CHL1: variants seen among roughly 807,000 people sequenced by gnomAD.
CHL1 encodes the protein neural cell adhesion molecule L1-like protein.
Under a neutral mutation model 141.9 loss-of-function variants are expected in CHL1, and 96 were observed. That is an observed-to-expected ratio of 0.68 (90% CI 0.57 to 0.80). The LOEUF (loss-of-function observed/expected upper bound fraction) is 0.80. Ranked by LOEUF, CHL1 falls within the 30% of genes least tolerant of loss-of-function variation. The pLI is 0.00. For synonymous variants in CHL1, 613 were observed against 502.2 expected (o/e 1.22, Z -2.95); for missense variants, 1,820 against 1,457.2 (o/e 1.25, Z -4.05).
rs562025596 is a variant in CHL1, at chr3:345,921, T to C, written c.848+1212T>C. ...TTATTTAATATTTAATCATACAGGGTCTCCTATTTTTACCACTATCCTTCC... is the reference window on the plus strand; with the variant it reads ...TTATTTAATATTTAATCATACAGGGCCTCCTATTTTTACCACTATCCTTCC... On this transcript the variant is annotated intron_variant, in intron 9 of 27. Transcript: ENST00000256509. Among the ~76,000 whole-genome samples, 5 of 152,236 alleles carry C rather than the reference T, an allele frequency of 3.3e-5. No homozygotes were observed. In the South Asian group the frequency reaches 8.3e-4, roughly 25 times the overall value.
intron 5 of CHL1, among the ~76,000 whole-genome samples, chr3:339,864 T>C (rs984228460): frequency 6.6e-6 from 1 of 152,128 alleles, no homozygotes; most frequent in African/African-American, 2.4e-5. Context: ...AACATACAAA[T>C]AAATACCTTC....
chr3:254,751 T>A (rs143909568), intron 2 of CHL1, among the ~76,000 whole-genome samples: 1 of 152,092 alleles, frequency 6.6e-6, no homozygotes. Flanking sequence ...CCTCACATAT[T>A]GGAAAGTGGA....
chr3:218,091 C>A (rs1342149086), intron 1 of CHL1, among the ~76,000 whole-genome samples: 2 of 152,234 alleles, frequency 1.3e-5, no homozygotes, highest in Admixed American at 1.3e-4. Flanking sequence ...AGGAAACAAT[C>A]AAAGAATAAG....
chr3:376,291 C>G (rs1706307050), intron 15 of CHL1: 3 of 466,198 alleles, frequency 6.4e-6, no homozygotes, highest in Admixed American at 2.2e-5. Context: ...CTATGTGTGA[C>G]AACTATTTGT....
At chr3:337,224 T>C (rs1169818786) in intron 5 of CHL1, among the ~76,000 whole-genome samples, 6 of 147,258 alleles carry the variant, frequency 4.1e-5, no homozygotes, top group Non-Finnish European at 9.0e-5. Context: ...GGGGTCTTGC[T>C]CTGTCGCCCA....
At chr3:377,749 T>A (rs1575218572) in intron 15 of CHL1, 69 bp from the exon 16 acceptor site, 1 of 1,371,794 alleles carries the variant, frequency 7.3e-7, no homozygotes, top group East Asian at 2.3e-5. Flanking sequence ...TATGCATTTT[T>A]AAAAGAATTG....
intron 17 of CHL1, 55 bp from the exon 18 acceptor site, chr3:382,419 A>G: frequency 6.6e-7 from 1 of 1,520,398 alleles, no homozygotes; most frequent in Non-Finnish European, 9.1e-7. Context: ...AAATTTTGGT[A>G]TAACTTATCC....
At chr3:366,156 G>T (rs1704849703) in intron 15 of CHL1, 41 bp downstream of exon 15, 10 of 1,572,300 alleles carry the variant, frequency 6.4e-6, no homozygotes, top group Non-Finnish European at 8.7e-6. Flanking sequence ...TTTGCTTGGG[G>T]TAAACAACTT....
intron 11 of CHL1, 62 bp downstream of exon 11, chr3:354,833 G>C: frequency 1.3e-6 from 2 of 1,579,388 alleles, no homozygotes; most frequent in East Asian, 2.2e-5. Flanking sequence ...GATTAATGAT[G>C]GTCAGACGTG....
intron 2 of CHL1, among the ~76,000 whole-genome samples, chr3:314,329 G>GTGTATATATATATA (rs1455318071): frequency 2.1e-4 from 14 of 65,334 alleles, no homozygotes; most frequent in Admixed American, 9.7e-4. Context: ...CTCTCTATGT[G>GTGTATATATATATA]TATATATATA....
Position 342,981 on chromosome 3 carries a change from C to T in CHL1, c.680-3C>T, listed in dbSNP as rs753093259. On this transcript the variant is annotated splice_region_variant and splice_polypyrimidine_tract_variant and intron_variant, in intron 7 of 27. Transcript: ENST00000256509. ...GTTTTTTCCTTCCGTTTTTTTATTT[C>T]AGTAAAGCATGCTAATGACTCAAGT... 49 of 1,603,654 alleles carry T rather than the reference C, an allele frequency of 3.1e-5. No homozygotes were observed. In the South Asian group the frequency reaches 5.5e-4, roughly 18 times the overall value.
At chr3:315,619 T>C (rs992184783) in intron 2 of CHL1, among the ~76,000 whole-genome samples, 1 of 152,058 alleles carries the variant, frequency 6.6e-6, no homozygotes, top group African/African-American at 2.4e-5. Context: ...ATTTCCTTTT[T>C]GTTGTGTTGG....
At chr3:381,045 T>C (rs1208820976) in intron 16 of CHL1, among the ~76,000 whole-genome samples, 1 of 152,140 alleles carries the variant, frequency 6.6e-6, no homozygotes, top group Non-Finnish European at 1.5e-5. Flanking sequence ...TCCAAGGAAC[T>C]TGTTTGCAAA....
chr3:337,681 A>G (rs989273217), intron 5 of CHL1, among the ~76,000 whole-genome samples: 2 of 152,112 alleles, frequency 1.3e-5, no homozygotes, highest in Non-Finnish European at 2.9e-5. Context: ...CCATGTCCCT[A>G]CAAAGGACAT....
Position 382,604 on chromosome 3 carries a change from A to G in CHL1, c.2109A>G (p.Ile703Met), listed in dbSNP as rs1480732727. The change falls in exon 18 of 28, where the codon ATA (isoleucine) becomes ATG (methionine). Residue 703 changes from isoleucine (I) to methionine (M), a missense_variant. By Grantham distance (10) the Ile-to-Met change is conservative. Coordinates refer to ENST00000256509, the MANE Select transcript of CHL1 (RefSeq NM_006614.4). ...TTGTGAGATACCAGTTCAGGGTCATAGCCGTGAACGAAGTAGGGAGAAGTC... is the reference window on the plus strand; with the variant it reads ...TTGTGAGATACCAGTTCAGGGTCATGGCCGTGAACGAAGTAGGGAGAAGTC... ...APFVRYQFRV[I>M]AVNEVGRSQP... The G allele has an allele frequency of 6.2e-7, 1 of 1,613,984 alleles. No individual in the cohort carries two copies.
In CHL1 at chr3:399,143, A is replaced by T; in HGVS notation, c.3380A>T (p.Tyr1127Phe). ...GTGAAGAGGAATAGAGGTGGAAAGT[A>T]CTCAGGTAAAATTGTTTCTTAATGT... ...CFVKRNRGGK[Y>F]SVKEKEDLHP... The change falls in exon 26 of 28, where the codon TAC (tyrosine) becomes TTC (phenylalanine). Residue 1127 changes from tyrosine (Y) to phenylalanine (F), a missense_variant. Physicochemically the swap from Tyr to Phe is conservative, Grantham distance 22. Coordinates refer to ENST00000256509, the MANE Select transcript of CHL1 (RefSeq NM_006614.4). The T allele has an allele frequency of 6.2e-7, 1 of 1,609,424 alleles. No homozygotes were observed. Among genetic ancestry groups the T allele is most frequent in the Non-Finnish European group, 8.5e-7 (1 of 1,176,058 alleles).
chr3:207,425 T>C (rs1271188045), intron 1 of CHL1, among the ~76,000 whole-genome samples: 1 of 152,216 alleles, frequency 6.6e-6, no homozygotes, highest in Non-Finnish European at 1.5e-5. Flanking sequence ...TGTTGTAAAT[T>C]CAAGGATTTT....
chr3:394,229 T>C (rs1708480831), intron 23 of CHL1, among the ~76,000 whole-genome samples: 1 of 152,226 alleles, frequency 6.6e-6, no homozygotes, highest in Non-Finnish European at 1.5e-5. Flanking sequence ...TGGTGCCACA[T>C]GTTAAACTAG....
intron 2 of CHL1, among the ~76,000 whole-genome samples, chr3:297,433 C>G (rs974379495): frequency 2.0e-5 from 3 of 151,842 alleles, no homozygotes; most frequent in African/African-American, 7.3e-5. Context: ...GCATTATTGG[C>G]AGGTTTAATG....
Sources: gnomAD v4.1 joint callset for allele counts (sites outside exome capture counted in the v4.1 genomes callset) on GRCh38, gnomAD v4.1.1 for gene constraint, MANE v1.5 for transcripts, NCBI Gene and HGNC (gene_info 2026-07-23, HGNC 2026-07-21) for gene names.